FAM184B: variants seen among roughly 807,000 people sequenced by gnomAD.
FAM184B encodes the protein protein FAM184B.
In FAM184B, 111 loss-of-function variants were observed where a neutral mutation model predicts 135.9. The observed-to-expected ratio is 0.82, with a 90% confidence interval of 0.70 to 0.96. The LOEUF is 0.96. Ranked by LOEUF, FAM184B falls within the 40% of genes least tolerant of loss-of-function variation. The pLI, the probability that FAM184B is intolerant of heterozygous loss-of-function variation, is 0.00. For synonymous variants in FAM184B, 552 were observed against 524.8 expected, an observed-to-expected ratio of 1.05 and a Z score of -0.71; for missense variants, 1,375 against 1,323.9, an observed-to-expected ratio of 1.04 and a Z score of -0.60.
At chr4:17,719,941 T>A (rs1717480327) in intron 1 of FAM184B, among the ~76,000 whole-genome samples, 1 of 152,220 alleles carries the variant, frequency 6.6e-6, no homozygotes, top group Non-Finnish European at 1.5e-5. Flanking sequence ...CTCCCTCTTC[T>A]TGAAATATTG....
intron 1 of FAM184B, among the ~76,000 whole-genome samples, chr4:17,735,818 G>T (rs937601731): frequency 6.6e-6 from 1 of 152,134 alleles, no homozygotes; most frequent in Non-Finnish European, 1.5e-5. Context: ...AAGGCAGCAG[G>T]TCTCTTTAGG....
rs773766213 is a variant in FAM184B, at chr4:17,632,440, TTTGG to T, written c.*88_*91del. 58 of 1,042,296 alleles carry T rather than the reference TTTGG, an allele frequency of 5.6e-5. No homozygotes were observed. Among genetic ancestry groups the T allele is most frequent in the Non-Finnish European group, 7.3e-5 (52 of 713,300 alleles). The allele number at this position is 1,042,296 out of a possible 1,614,324, so 64.6% of individuals were successfully genotyped here. The stretch of plus-strand genomic sequence containing the variant: ...TCATATATAAATCATAAGCATATTA[TTTGG>T]TTGGTTGGTGTTAGTTCATTCCTTC... On this transcript the variant is annotated 3_prime_UTR_variant, in exon 18 of 18. Coordinates refer to ENST00000265018, the MANE Select transcript of FAM184B (RefSeq NM_015688.2).
At chr4:17,675,094 T>A (rs578052049) in intron 7 of FAM184B, among the ~76,000 whole-genome samples, 1 of 152,354 alleles carries the variant, frequency 6.6e-6, no homozygotes, top group East Asian at 1.9e-4. Context: ...CCCAGATCCA[T>A]CAGGAGAACC....
In FAM184B at chr4:17,695,798, A is replaced by AGATATC. The variant is rs533762262; in HGVS notation, c.1378-2387_1378-2386insGATATC. Reference sequence around the variant, plus strand: ...GCTTGATACATCTGTTAGATGTCTAATTAGATAGATAGAGGGTCTGGAATT... The same window carrying AGATATC: ...GCTTGATACATCTGTTAGATGTCTAAGATATCTTAGATAGATAGAGGGTCTGGAATT... On this transcript the variant is annotated intron_variant, in intron 5 of 17. Transcript: ENST00000265018. Among the ~76,000 whole-genome samples, 51 of 152,054 alleles carry AGATATC rather than the reference A, an allele frequency of 3.4e-4. No homozygotes were observed. In the East Asian group the frequency reaches 9.5e-3, roughly 28 times the overall value.
At chr4:17,770,436 AGTTGTT>A (rs10597477) in intron 1 of FAM184B, among the ~76,000 whole-genome samples, 37,164 of 94,704 alleles carry the variant, frequency 0.39, 4,812 homozygotes, top group Admixed American at 0.44. Context: ...CCTCAGAACT[AGTTGTT>A]GTTGTTGTTG....
In FAM184B at chr4:17,649,310, C is replaced by T. The variant is rs562485895; in HGVS notation, c.2192-1519G>A. On this transcript the variant is annotated intron_variant, in intron 11 of 17. Coordinates refer to ENST00000265018, the MANE Select transcript of FAM184B (RefSeq NM_015688.2). ...ATATTAAGATGAAAAATTGGCCAGG[C>T]GTGGTGGCTCATGCCTGAAATCCCA... Among the ~76,000 whole-genome samples, 9 of 152,248 alleles carry T rather than the reference C, an allele frequency of 5.9e-5. No individual in the cohort carries two copies. The South Asian group carries it at 1.9e-3, about 32-fold the overall frequency.
chr4:17,641,521 C>T (rs935677961), intron 13 of FAM184B, among the ~76,000 whole-genome samples: 2 of 115,042 alleles, frequency 1.7e-5, no homozygotes, highest in Non-Finnish European at 3.3e-5. Context: ...CATTGTCGCC[C>T]AGGCTGGAGT....
At chr4:17,744,707 G>A (rs1398182275) in intron 1 of FAM184B, among the ~76,000 whole-genome samples, 4 of 149,472 alleles carry the variant, frequency 2.7e-5, no homozygotes, top group African/African-American at 4.9e-5. Context: ...GGGACAGAGC[G>A]AGACTCCATC....
At chr4:17,680,411 A>G (rs981187737) in intron 7 of FAM184B, among the ~76,000 whole-genome samples, 1 of 152,130 alleles carries the variant, frequency 6.6e-6, no homozygotes, top group Non-Finnish European at 1.5e-5. Flanking sequence ...GATAATGATG[A>G]TATAACAGAA....
chr4:17,633,624 T>A (rs1167511717), intron 17 of FAM184B, 65 bp downstream of exon 17: 1 of 1,346,544 alleles, frequency 7.4e-7, no homozygotes, highest in Non-Finnish European at 9.7e-7. Context: ...CTAGAAAGAA[T>A]CCTACTTCCC....
At position 17,629,368 on chromosome 4, in the gene FAM184B, C is replaced by T. The variant is rs2108921560; in HGVS notation, c.*3164G>A. ...CCATTTAATTTGCCAGCCTCATCTG[C>T]AGAATCCAGATGGATCCTGGAGAAA... On this transcript the variant is annotated 3_prime_UTR_variant, in exon 18 of 18. Coordinates refer to ENST00000265018, the MANE Select transcript of FAM184B (RefSeq NM_015688.2). The T allele has an allele frequency of 6.6e-6, 1 of 152,312 alleles. No homozygotes were observed. Among genetic ancestry groups the T allele is most frequent in the Admixed American group, 6.5e-5 (1 of 15,288 alleles). The allele number at this position is 152,312 out of a possible 1,614,324, so 9.4% of individuals were successfully genotyped here.
intron 1 of FAM184B, among the ~76,000 whole-genome samples, chr4:17,723,766 C>T (rs529612007): frequency 6.6e-6 from 1 of 152,308 alleles, no homozygotes; most frequent in East Asian, 1.9e-4. Context: ...CTTTACACAG[C>T]CAAATCTTCT....
chr4:17,765,741 T>C (rs1024302509), intron 1 of FAM184B, among the ~76,000 whole-genome samples: 1 of 152,242 alleles, frequency 6.6e-6, no homozygotes, highest in Non-Finnish European at 1.5e-5. Flanking sequence ...TTGGTCTCAC[T>C]GACTTGAAGA....
At chr4:17,634,948 T>C (rs1435539033) in intron 16 of FAM184B, 61 bp downstream of exon 16, 3 of 1,270,436 alleles carry the variant, frequency 2.4e-6, no homozygotes, top group Non-Finnish European at 3.3e-6. Context: ...TGTGGTTACC[T>C]TTAAGAAAAA....
intron 1 of FAM184B, among the ~76,000 whole-genome samples, chr4:17,748,698 G>A (rs982048421): frequency 6.6e-6 from 1 of 151,534 alleles, no homozygotes; most frequent in Non-Finnish European, 1.5e-5. Flanking sequence ...TTAATTTCTT[G>A]TAGACACGAG....
chr4:17,778,785 G>A (rs892703536), intron 1 of FAM184B, among the ~76,000 whole-genome samples: 3 of 152,144 alleles, frequency 2.0e-5, no homozygotes, highest in African/African-American at 7.2e-5. Context: ...CTTGAGGCCA[G>A]GAGCTTGAGG....
At chr4:17,762,322 A>G (rs1162074321) in intron 1 of FAM184B, among the ~76,000 whole-genome samples, 1 of 152,194 alleles carries the variant, frequency 6.6e-6, no homozygotes, top group Non-Finnish European at 1.5e-5. Flanking sequence ...CACGTAACAA[A>G]CTACCCCTTA....
chr4:17,636,268 G>A (rs566387099), intron 15 of FAM184B, among the ~76,000 whole-genome samples: 1 of 152,230 alleles, frequency 6.6e-6, no homozygotes, highest in East Asian at 1.9e-4. Flanking sequence ...ACCACACCCA[G>A]CTAATTTTTG....
intron 17 of FAM184B, chr4:17,632,903 C>T (rs990702876): frequency 2.3e-5 from 6 of 265,550 alleles, no homozygotes; most frequent in Non-Finnish European, 4.4e-5. Flanking sequence ...CAGGATTAAC[C>T]AAACCTACAG....
Sources: allele counts gnomAD v4.1 joint callset (sites outside exome capture counted in the v4.1 genomes callset), GRCh38; gene constraint gnomAD v4.1.1; transcripts MANE v1.5; gene names NCBI Gene and HGNC (gene_info 2026-07-23, HGNC 2026-07-21).